Variants in OSMR observed in about 807,000 individuals in gnomAD.
The protein encoded by OSMR is oncostatin M receptor, also known as oncostatin-M-specific receptor subunit beta.
A neutral mutation model predicts 99.9 loss-of-function variants in OSMR; 81 were observed. The observed-to-expected ratio is 0.81, with a 90% CI of 0.68 to 0.97. OSMR has a LOEUF of 0.97. Ranked by LOEUF, OSMR falls within the 50% of genes least tolerant of loss-of-function variation. The pLI is 0.00. For missense variants in OSMR, 1,099 were observed against 1,153.4 expected (o/e 0.95, Z 0.68); for synonymous variants, 406 against 410.4 (o/e 0.99, Z 0.13).
chr5:38,923,879 G>A (rs1746349653), intron 13 of OSMR, among the ~76,000 whole-genome samples: 1 of 152,188 alleles, frequency 6.6e-6, no homozygotes, highest in African/African-American at 2.4e-5. Context: ...ATAAGCGTGT[G>A]TGGGAAAACA....
At chr5:38,883,732 AG>A in intron 4 of OSMR, 94 bp from the exon 5 acceptor site, 6 of 1,601,472 alleles carry the variant, frequency 3.7e-6, no homozygotes, top group Non-Finnish European at 2.6e-6. Context: ...AGGTAGAAAA[AG>A]CTAAAGTTAT....
intron 2 of OSMR, among the ~76,000 whole-genome samples, chr5:38,871,734 T>A (rs1742400129): frequency 6.6e-6 from 1 of 152,232 alleles, no homozygotes; most frequent in Non-Finnish European, 1.5e-5. Context: ...AAATAAAAGT[T>A]AAATTATAGT....
chr5:38,934,470 C>T lies in OSMR; in HGVS notation c.*1026C>T, dbSNP rs1454162565. ...AAATTCCGTGTTGGCTCTGGAGCAG[C>T]TTTGTCTCCTCTGAACCAATATATC... On this transcript the variant is annotated 3_prime_UTR_variant, in exon 18 of 18. Coordinates refer to ENST00000274276, the MANE Select transcript of OSMR (RefSeq NM_003999.3). 1 of 152,162 alleles carries T rather than the reference C, an allele frequency of 6.6e-6. No homozygotes were observed. The highest frequency in any genetic ancestry group is 2.4e-5 in the African/African-American group (1 of 41,420). 9.4% of individuals were successfully genotyped at this position (152,162 alleles called of 1,614,324 possible). A position where few individuals can be genotyped will look rare whatever the true frequency, so the allele number is the denominator to read the frequency against.
chr5:38,905,348 G>A (rs532739702), intron 9 of OSMR, among the ~76,000 whole-genome samples: 2 of 152,046 alleles, frequency 1.3e-5, no homozygotes, highest in Non-Finnish European at 2.9e-5. Flanking sequence ...AATTAGCCAG[G>A]CGTGGTGGCA....
chr5:38,912,341 A>T (rs1367571142), intron 9 of OSMR, among the ~76,000 whole-genome samples: 1 of 152,212 alleles, frequency 6.6e-6, no homozygotes, highest in African/African-American at 2.4e-5. Flanking sequence ...CACATACACA[A>T]AAATATCTAG....
At position 38,904,499 on chromosome 5, in the gene OSMR, A is replaced by G. The variant is rs752986991; in HGVS notation, c.1281A>G (p.Glu427=). The G allele has an allele frequency of 1.9e-6, 3 of 1,614,180 alleles. No homozygotes were observed. Among genetic ancestry groups the G allele is most frequent in the South Asian group, 1.1e-5 (1 of 91,084 alleles). Residue 427 remains glutamate, a synonymous_variant, in exon 9 of 18, where the codon GAA becomes GAG. Coordinates refer to ENST00000274276, the MANE Select transcript of OSMR (RefSeq NM_003999.3). Reference sequence around the variant, plus strand: ...GTGGTCAGAACTTCACCACACTTGAAGCTGGTATGTTCAGCCCCTGGCATT... The same window carrying G: ...GTGGTCAGAACTTCACCACACTTGAGGCTGGTATGTTCAGCCCCTGGCATT... ...EWSGQNFTTL[E]AAPSEAPDVW...
chr5:38,856,420 A>G (rs560628198), intron 1 of OSMR, among the ~76,000 whole-genome samples: 2 of 152,280 alleles, frequency 1.3e-5, no homozygotes, highest in African/African-American at 4.8e-5. Context: ...TGGGGCCTGA[A>G]ACACAGGGGG....
chr5:38,881,735 G>A lies in OSMR; in HGVS notation c.389G>A (p.Ser130Asn). ...DAKFPEPNFW[S>N]NWSSWEEVSV... is the part of the protein sequence containing the mutation. ...AAGTTCCCTGAGCCAAATTTCTGGA[G>A]CAACTGGAGTTCCTGGGAGGAAGTC... The change falls in exon 4 of 18, where the codon AGC (serine) becomes AAC (asparagine). Residue 130 changes from serine to asparagine, a missense_variant. Ser to Asn is a conservative substitution (Grantham distance 46, BLOSUM62 1). Coordinates refer to ENST00000274276, the MANE Select transcript of OSMR (RefSeq NM_003999.3). The A allele has an allele frequency of 1.2e-6, 2 of 1,614,184 alleles. No homozygotes were observed. The highest frequency in any genetic ancestry group is 8.5e-7 in the Non-Finnish European group (1 of 1,180,010).
chr5:38,904,213 T>A, intron 8 of OSMR, 140 bp from the exon 9 acceptor site: 2 of 1,527,262 alleles, frequency 1.3e-6, no homozygotes, highest in East Asian at 2.5e-5. Context: ...GAAGATTTTT[T>A]TCCCCCCAAA....
downstream of OSMR, chr5:38,945,486 CTT>C (rs1748089037): frequency 6.3e-7 from 1 of 1,592,260 alleles, no homozygotes; most frequent in Admixed American, 1.7e-5. Flanking sequence ...GACGTGATCA[CTT>C]ACCTGAATGA....
At chr5:38,879,396 G>A (rs1208055736) in intron 3 of OSMR, among the ~76,000 whole-genome samples, 1 of 152,210 alleles carries the variant, frequency 6.6e-6, no homozygotes. Flanking sequence ...TTGAATAGCC[G>A]CACAGCGGAA....
Position 38,870,317 on chromosome 5 carries a change from T to G in OSMR, c.73+1200T>G, listed in dbSNP as rs1233492641. 2.1e-5 allele frequency among the ~76,000 whole-genome samples: 3 copies of G among 144,918 alleles called. No homozygotes were observed. The East Asian group carries it at 6.4e-4, about 31-fold the overall frequency. On this transcript the variant is annotated intron_variant, in intron 2 of 17. Transcript: ENST00000274276. ...CAGACTGAGAGGTCAAACCATATAATAAGAATGATTTTCTTTTTTTTTTTT... is the reference window on the plus strand; with the variant it reads ...CAGACTGAGAGGTCAAACCATATAAGAAGAATGATTTTCTTTTTTTTTTTT...
chr5:38,936,706 T>C (rs888169569), downstream of OSMR, among the ~76,000 whole-genome samples: 2 of 152,222 alleles, frequency 1.3e-5, no homozygotes, highest in Non-Finnish European at 2.9e-5. Context: ...TTACAAAGCA[T>C]GTTAAAGCAG....
intron 1 of OSMR, among the ~76,000 whole-genome samples, chr5:38,861,376 G>A (rs549769000): frequency 4.1e-4 from 63 of 151,966 alleles, no homozygotes; most frequent in Non-Finnish European, 7.4e-4. Flanking sequence ...ATCTTGCACC[G>A]CCCTTAATCC....
chr5:38,903,988 T>A lies in OSMR; in HGVS notation c.1098T>A (p.Cys366Ter). 1 of 1,614,124 alleles carries A rather than the reference T, an allele frequency of 6.2e-7. No individual in the cohort carries two copies. ...HSIRNNFTYL[C>*]QIELHGEGKM... ...TAAGGAATAATTTCACATATTTGTG[T>A]CAGATTGAACTCCATGGTGAAGGAA... The change falls in exon 8 of 18, where the codon TGT becomes TGA. Residue 366 changes from cysteine to a stop codon, truncating the protein, a stop_gained. Coordinates refer to ENST00000274276, the MANE Select transcript of OSMR (RefSeq NM_003999.3). LOFTEE classifies it high-confidence loss of function.
chr5:38,881,402 G>A, intron 3 of OSMR, 191 bp from the exon 4 acceptor site: 1 of 823,748 alleles, frequency 1.2e-6, no homozygotes, highest in Non-Finnish European at 1.5e-6. Context: ...TTTTCAAAAG[G>A]CAGGAGGTCA....
chr5:38,942,333 G>A, intron 1 of OSMR: 5 of 1,597,938 alleles, frequency 3.1e-6, no homozygotes, highest in Non-Finnish European at 4.3e-6. Context: ...TCAACTATAG[G>A]TTGCTTTGGT....
chr5:38,863,056 C>G (rs571387892), intron 1 of OSMR, among the ~76,000 whole-genome samples: 4 of 151,794 alleles, frequency 2.6e-5, no homozygotes, highest in Admixed American at 2.0e-4. Flanking sequence ...CTCAGGCACT[C>G]GGCAGGCTGA....
At chr5:38,923,019 G>A (rs570027956) in intron 12 of OSMR, 131 bp from the exon 13 acceptor site, 56 of 1,012,390 alleles carry the variant, frequency 5.5e-5, no homozygotes, top group East Asian at 2.2e-4. Flanking sequence ...CAAGTGATCC[G>A]CCTGCCTCGG....
Sources: allele counts gnomAD v4.1 joint callset (sites outside exome capture counted in the v4.1 genomes callset), GRCh38; gene constraint gnomAD v4.1.1; transcripts MANE v1.5; gene names NCBI Gene and HGNC (gene_info 2026-07-23, HGNC 2026-07-21).